The following APP variants were observed in gnomAD, a reference collection of about 807,000 sequenced individuals.
The protein encoded by APP is amyloid beta precursor protein.
In APP, 31 loss-of-function variants were observed where a neutral mutation model predicts 101.4. That is an observed-to-expected ratio of 0.31 (90% confidence interval 0.23 to 0.41). The LOEUF (loss-of-function observed/expected upper bound fraction) is 0.41, where lower values mean the gene tolerates loss of function less well. APP is among the 10% of genes least tolerant of loss of function. APP has a pLI of 1.00. For synonymous variants in APP, 366 were observed against 364.4 expected, an observed-to-expected ratio of 1.00 and a Z score of -0.05; for missense variants, 839 against 1,003.7, an observed-to-expected ratio of 0.84 and a Z score of 2.22.
At chr21:26,059,212 A>G (rs1833451627) in intron 3 of APP, among the ~76,000 whole-genome samples, 1 of 152,228 alleles carries the variant, frequency 6.6e-6, no homozygotes, top group Non-Finnish European at 1.5e-5. Flanking sequence ...CAAGGCACAG[A>G]TTATTTGAAT....
At chr21:26,100,695 C>CTGCTTTGTGCAGGCACTGCTG (rs142917481) in intron 2 of APP, among the ~76,000 whole-genome samples, 14,436 of 152,082 alleles carry the variant, frequency 0.095, 907 homozygotes, top group Admixed American at 0.15. Flanking sequence ...CAGGCAGTTT[C>CTGCTTTGTGCAGGCACTGCTG]TGCTTTGTGC....
intron 2 of APP, among the ~76,000 whole-genome samples, chr21:26,102,875 G>A (rs1157492120): frequency 7.9e-6 from 1 of 126,914 alleles, no homozygotes; most frequent in South Asian, 2.9e-4. Context: ...GGTTGATGGA[G>A]TGGGACTCTG....
intron 8 of APP, among the ~76,000 whole-genome samples, chr21:25,992,808 G>C (rs2042919604): frequency 6.6e-6 from 1 of 152,202 alleles, no homozygotes; most frequent in South Asian, 2.1e-4. Context: ...TCCCTAGGTT[G>C]GTTGGGGAGC....
At chr21:25,911,390 T>A (rs1191013738) in intron 14 of APP, among the ~76,000 whole-genome samples, 1 of 152,210 alleles carries the variant, frequency 6.6e-6, no homozygotes, top group Non-Finnish European at 1.5e-5. Flanking sequence ...AATGCAAACC[T>A]GGACATGTGC....
At chr21:25,908,308 T>C (rs1020821766) in intron 14 of APP, among the ~76,000 whole-genome samples, 1 of 152,260 alleles carries the variant, frequency 6.6e-6, no homozygotes, top group African/African-American at 2.4e-5. Flanking sequence ...ATGCTTATTT[T>C]CTTCAATGTA....
Position 26,000,022 on chromosome 21 carries a change from G to A in APP, c.1026C>T (p.Gly342=), listed in dbSNP as rs199824159. 6.8e-6 allele frequency: 11 copies of A among 1,613,948 alleles called. No individual in the cohort carries two copies. Among genetic ancestry groups the A allele is most frequent in the African/African-American group, 1.3e-5 (1 of 74,932 alleles). Residue 342 remains glycine (G), a synonymous_variant, in exon 7 of 18, where the codon GGC becomes GGT. Transcript: ENST00000346798. The part of the protein sequence containing the change: ...DTEEYCMAVC[G]SAMSQSLLKT... ...GAAGAAGGGTCCACTTACTGGCGCT[G>A]CCACACACGGCCATGCAGTACTCTT...
chr21:26,107,446 T>C (rs1432178536), intron 2 of APP, among the ~76,000 whole-genome samples: 1 of 152,230 alleles, frequency 6.6e-6, no homozygotes, highest in African/African-American at 2.4e-5. Flanking sequence ...GATTTTACCA[T>C]GTCAAAAACT....
chr21:26,052,366 T>G (rs1015910646), intron 4 of APP, among the ~76,000 whole-genome samples: 1 of 152,216 alleles, frequency 6.6e-6, no homozygotes, highest in African/African-American at 2.4e-5. Context: ...CCAGACATGT[T>G]CCGGTGAGGG....
chr21:26,001,473 C>T (rs376622890), intron 6 of APP, among the ~76,000 whole-genome samples: 1 of 152,192 alleles, frequency 6.6e-6, no homozygotes. Context: ...GAAAGCCACG[C>T]ATCACCCATT....
intron 13 of APP, among the ~76,000 whole-genome samples, chr21:25,924,429 G>GAAAAAAAAAAAA (rs1338097815): frequency 7.4e-5 from 4 of 53,692 alleles, no homozygotes; most frequent in East Asian, 5.6e-4. Context: ...AAAAAAAAAG[G>GAAAAAAAAAAAA]AAAAAAAAAA....
chr21:25,938,740 C>A (rs2040453479), intron 13 of APP, among the ~76,000 whole-genome samples: 1 of 152,170 alleles, frequency 6.6e-6, no homozygotes, highest in Non-Finnish European at 1.5e-5. Context: ...AGCAGCTAAA[C>A]CGAAGACACC....
intron 1 of APP, among the ~76,000 whole-genome samples, chr21:26,122,892 G>A (rs901279525): frequency 2.6e-5 from 4 of 151,964 alleles, no homozygotes; most frequent in Non-Finnish European, 5.9e-5. Context: ...ACAGGAATTC[G>A]GATATTTGAC....
chr21:25,998,325 G>A (rs879804009), intron 7 of APP, among the ~76,000 whole-genome samples: 30 of 150,118 alleles, frequency 2.0e-4, no homozygotes, highest in Non-Finnish European at 2.9e-5. Flanking sequence ...CTAATTGACT[G>A]CTTTGTTTGA....
chr21:25,911,253 A>C (rs985466915), intron 14 of APP, among the ~76,000 whole-genome samples: 2 of 152,222 alleles, frequency 1.3e-5, no homozygotes, highest in Non-Finnish European at 2.9e-5. Context: ...TAAGAAGAGG[A>C]ACTGGAAAAT....
At chr21:26,163,612 T>C (rs1427209754) in intron 1 of APP, among the ~76,000 whole-genome samples, 1 of 152,248 alleles carries the variant, frequency 6.6e-6, no homozygotes, top group Non-Finnish European at 1.5e-5. Context: ...ATATGGCTTC[T>C]GTCATTACAC....
At chr21:26,006,816 G>C (rs2043550745) in intron 6 of APP, among the ~76,000 whole-genome samples, 1 of 152,130 alleles carries the variant, frequency 6.6e-6, no homozygotes, top group African/African-American at 2.4e-5. Flanking sequence ...AAAGTTAACA[G>C]ATTAGCAAAT....
intron 13 of APP, among the ~76,000 whole-genome samples, chr21:25,916,488 G>A (rs540386353): frequency 2.0e-5 from 3 of 152,194 alleles, no homozygotes; most frequent in Non-Finnish European, 4.4e-5. Context: ...AAAATACCCA[G>A]AGACAAATAT....
chr21:25,979,166 C>A (rs866518844), intron 9 of APP, among the ~76,000 whole-genome samples: 2 of 152,164 alleles, frequency 1.3e-5, no homozygotes, highest in African/African-American at 2.4e-5. Flanking sequence ...TAGAGTTATA[C>A]TCCACAATGG....
At chr21:25,959,305 C>A (rs1455184197) in intron 11 of APP, among the ~76,000 whole-genome samples, 1 of 152,090 alleles carries the variant, frequency 6.6e-6, no homozygotes, top group African/African-American at 2.4e-5. Flanking sequence ...TGGTGGTGGG[C>A]GCCTGTAGTC....
Sources: gnomAD v4.1 joint callset for allele counts (sites outside exome capture counted in the v4.1 genomes callset) on GRCh38, gnomAD v4.1.1 for gene constraint, MANE v1.5 for transcripts, NCBI Gene and HGNC (gene_info 2026-07-23, HGNC 2026-07-21) for gene names.